The following CSMD3 variants were observed in gnomAD, a reference collection of about 807,000 sequenced individuals.
The protein encoded by CSMD3 is CUB and sushi domain-containing protein 3.
CSMD3 carries 177 observed loss-of-function variants against 435.2 expected under a neutral mutation model. The observed-to-expected ratio is 0.41, with a 90% CI of 0.36 to 0.46. CSMD3 has a LOEUF of 0.46. CSMD3 is among the 20% of genes least tolerant of loss of function. CSMD3 has a pLI of 0.34. For synonymous variants in CSMD3, 1,656 were observed against 1,520.5 expected (o/e 1.09, Z -2.07); for missense variants, 4,265 against 4,504.6 (o/e 0.95, Z 1.52).
rs2084828914 is a variant in CSMD3 at position 112,975,915 on chromosome 8, T to A, written c.1264A>T (p.Thr422Ser). 6.2e-7 allele frequency: 1 copy of A among 1,613,938 alleles called. No homozygotes were observed. Among genetic ancestry groups the A allele is most frequent in the Non-Finnish European group, 8.5e-7 (1 of 1,179,952 alleles). Residue 422 changes from threonine to serine, a missense_variant, in exon 7 of 71, where the codon ACA becomes TCA. Physicochemically the swap from Thr to Ser is moderately conservative, Grantham distance 58. Coordinates refer to ENST00000297405, the MANE Select transcript of CSMD3 (RefSeq NM_198123.2). ...KDGLSPHPAD[T>S]QSTRRRPRHA... is the part of the protein sequence containing the mutation. The stretch of plus-strand genomic sequence containing the variant: ...CTTGGTCTTCTCCTGGTACTTTGTG[T>A]ATCTGCTGGATGAGGAGAGAGCCCG...
At chr8:113,145,068 A>G (rs1236522259) in intron 4 of CSMD3, among the ~76,000 whole-genome samples, 1 of 151,478 alleles carries the variant, frequency 6.6e-6, no homozygotes, top group Non-Finnish European at 1.5e-5. Flanking sequence ...CAGAGGGAAT[A>G]GAAGTGTCTG....
At chr8:113,055,915 G>A (rs887829148) in intron 5 of CSMD3, among the ~76,000 whole-genome samples, 2 of 152,168 alleles carry the variant, frequency 1.3e-5, no homozygotes, top group South Asian at 2.1e-4. Context: ...ACCGCAGAAG[G>A]TCTTATATGA....
intron 25 of CSMD3, among the ~76,000 whole-genome samples, chr8:112,555,818 T>C (rs1229915803): frequency 3.3e-5 from 5 of 151,990 alleles, no homozygotes; most frequent in Non-Finnish European, 7.4e-5. Context: ...TGTCAAAAGG[T>C]CCAGGTCTTA....
chr8:112,416,588 T>C (rs534530574), intron 32 of CSMD3, among the ~76,000 whole-genome samples: 1 of 152,326 alleles, frequency 6.6e-6, no homozygotes, highest in East Asian at 1.9e-4. Flanking sequence ...AACTAGCTGT[T>C]ACATTATATA....
chr8:112,932,510 TGCTGGG>T (rs2083143432), intron 9 of CSMD3, among the ~76,000 whole-genome samples: 1 of 152,074 alleles, frequency 6.6e-6, no homozygotes, highest in Non-Finnish European at 1.5e-5. Flanking sequence ...CCTCCCAAAG[TGCTGGG>T]ATTGCAGGCT....
rs191523536 is a variant in CSMD3 at position 113,056,493 on chromosome 8, A to G, written c.918-37314T>C. 5.9e-3 allele frequency among the ~76,000 whole-genome samples: 895 copies of G among 152,332 alleles called. 4 individuals are homozygous for G. Among genetic ancestry groups the G allele is most frequent in the African/African-American group, 0.019 (798 of 41,580 alleles). On this transcript the variant is annotated intron_variant, in intron 5 of 70. Coordinates refer to ENST00000297405, the MANE Select transcript of CSMD3 (RefSeq NM_198123.2). ...TTCTAATATGTATCTCAAACTCAGTATGTCCAAACTGGAACTTTTGATGTT... is the reference window on the plus strand; with the variant it reads ...TTCTAATATGTATCTCAAACTCAGTGTGTCCAAACTGGAACTTTTGATGTT...
At chr8:112,986,419 G>C (rs973465751) in intron 6 of CSMD3, among the ~76,000 whole-genome samples, 4 of 152,088 alleles carry the variant, frequency 2.6e-5, no homozygotes, top group Non-Finnish European at 5.9e-5. Context: ...GAATGACAGA[G>C]AATGGGCATG....
chr8:113,341,920 TG>T (rs1342024929), intron 1 of CSMD3, among the ~76,000 whole-genome samples: 11 of 152,128 alleles, frequency 7.2e-5, no homozygotes, highest in Non-Finnish European at 1.5e-5. Flanking sequence ...TACATAGTTT[TG>T]CTTTTCTGAG....
chr8:112,679,627 C>T (rs2075843612), intron 16 of CSMD3, among the ~76,000 whole-genome samples: 1 of 152,096 alleles, frequency 6.6e-6, no homozygotes, highest in South Asian at 2.1e-4. Flanking sequence ...GAAAATCTCC[C>T]TGAAATTGCT....
chr8:113,367,843 T>C (rs1166728846), intron 1 of CSMD3, among the ~76,000 whole-genome samples: 1 of 152,102 alleles, frequency 6.6e-6, no homozygotes, highest in Admixed American at 6.6e-5. Context: ...ACCTCTAAAG[T>C]GTCTTTGCCT....
At chr8:112,612,261 A>C (rs1307948497) in intron 22 of CSMD3, among the ~76,000 whole-genome samples, 1 of 152,178 alleles carries the variant, frequency 6.6e-6, no homozygotes, top group Non-Finnish European at 1.5e-5. Flanking sequence ...ATGAACACTA[A>C]ATTTTATTTC....
At chr8:113,296,692 T>C (rs2093725024) in intron 2 of CSMD3, among the ~76,000 whole-genome samples, 1 of 152,192 alleles carries the variant, frequency 6.6e-6, no homozygotes, top group African/African-American at 2.4e-5. Context: ...GAATGTTATG[T>C]TATCAGATAT....
At chr8:113,285,224 G>C (rs1425871770) in intron 2 of CSMD3, among the ~76,000 whole-genome samples, 1 of 151,544 alleles carries the variant, frequency 6.6e-6, no homozygotes, top group Non-Finnish European at 1.5e-5. Flanking sequence ...AGGTGAGTAA[G>C]GCAATGGGGA....
intron 3 of CSMD3, among the ~76,000 whole-genome samples, chr8:113,253,694 G>T (rs1275866789): frequency 2.6e-5 from 4 of 151,902 alleles, no homozygotes; most frequent in Admixed American, 2.6e-4. Context: ...ACAAAAATTA[G>T]CTGGGCATGG....
chr8:112,699,632 T>C (rs1207204265), intron 13 of CSMD3, among the ~76,000 whole-genome samples: 1 of 152,226 alleles, frequency 6.6e-6, no homozygotes, highest in Admixed American at 6.5e-5. Flanking sequence ...TCAATTTTAC[T>C]AGGTGACTAA....
chr8:112,430,258 T>G (rs1813516381), intron 32 of CSMD3, among the ~76,000 whole-genome samples: 1 of 151,400 alleles, frequency 6.6e-6, no homozygotes. Context: ...AAATGAAGAG[T>G]GACAAAAAAA....
At chr8:112,660,159 G>A (rs1293537889) in intron 17 of CSMD3, among the ~76,000 whole-genome samples, 1 of 151,974 alleles carries the variant, frequency 6.6e-6, no homozygotes, top group Non-Finnish European at 1.5e-5. Context: ...ACAAGAGTTT[G>A]GCTGGAAATC....
chr8:112,428,293 G>T (rs1035095660), intron 32 of CSMD3, among the ~76,000 whole-genome samples: 6 of 151,998 alleles, frequency 3.9e-5, no homozygotes, highest in Non-Finnish European at 8.8e-5. Flanking sequence ...GTATACAAAT[G>T]TAAGTACAAA....
chr8:112,314,717 A>C, intron 47 of CSMD3, 100 bp from the exon 48 acceptor site: 1 of 789,998 alleles, frequency 1.3e-6, no homozygotes, highest in Non-Finnish European at 2.2e-6. Context: ...TTCAATAGCT[A>C]TAAGGATGAT....
Sources: allele counts gnomAD v4.1 joint callset (sites outside exome capture counted in the v4.1 genomes callset), GRCh38; gene constraint gnomAD v4.1.1; transcripts MANE v1.5; gene names NCBI Gene and HGNC (gene_info 2026-07-23, HGNC 2026-07-21).